PLCXD3: variants seen among roughly 807,000 people sequenced by gnomAD.
PLCXD3 encodes the protein phosphatidylinositol specific phospholipase C X domain containing 3, also known as PI-PLC X domain-containing protein 3.
A neutral mutation model predicts 25.5 loss-of-function variants in PLCXD3; 19 were observed. The observed-to-expected ratio is 0.75, with a 90% CI of 0.52 to 1.09. PLCXD3 has a LOEUF of 1.09. Ranked by LOEUF, PLCXD3 falls within the 50% of genes least tolerant of loss-of-function variation. PLCXD3 has a pLI of 0.00. For missense variants in PLCXD3, 411 were observed against 388.1 expected (o/e 1.06, Z -0.50); for synonymous variants, 174 against 137.6 (o/e 1.26, Z -1.85).
intron 1 of PLCXD3, among the ~76,000 whole-genome samples, chr5:41,491,425 A>C (rs1748667438): frequency 6.6e-6 from 1 of 152,202 alleles, no homozygotes; most frequent in Non-Finnish European, 1.5e-5. Flanking sequence ...TTTGAGGTGG[A>C]GAGTTCTGTA....
At chr5:41,364,215 G>C (rs1744872939) in intron 2 of PLCXD3, among the ~76,000 whole-genome samples, 1 of 152,134 alleles carries the variant, frequency 6.6e-6, no homozygotes, top group Non-Finnish European at 1.5e-5. Context: ...GCACAAGACA[G>C]CTTCCCGCAA....
At chr5:41,360,657 C>G (rs560734125) in intron 2 of PLCXD3, among the ~76,000 whole-genome samples, 1 of 152,112 alleles carries the variant, frequency 6.6e-6, no homozygotes, top group South Asian at 2.1e-4. Context: ...GTGGAGCTAC[C>G]AGGCTCCCAG....
chr5:41,431,804 A>T (rs534698113), intron 1 of PLCXD3, among the ~76,000 whole-genome samples: 2 of 152,320 alleles, frequency 1.3e-5, no homozygotes, highest in East Asian at 3.9e-4. Flanking sequence ...AGACACAGTT[A>T]ATTTCAGAAT....
chr5:41,501,684 G>T (rs763983358), intron 1 of PLCXD3, among the ~76,000 whole-genome samples: 1 of 151,750 alleles, frequency 6.6e-6, no homozygotes, highest in Non-Finnish European at 1.5e-5. Context: ...TAAATTTCAC[G>T]TTATGGATGT....
intron 1 of PLCXD3, among the ~76,000 whole-genome samples, chr5:41,413,083 T>G (rs971788226): frequency 6.6e-6 from 1 of 152,256 alleles, no homozygotes; most frequent in Non-Finnish European, 1.5e-5. Flanking sequence ...CCATTTATTG[T>G]ATTACACTTA....
At chr5:41,482,269 A>G (rs1748429795) in intron 1 of PLCXD3, among the ~76,000 whole-genome samples, 1 of 152,118 alleles carries the variant, frequency 6.6e-6, no homozygotes, top group Non-Finnish European at 1.5e-5. Context: ...CTCACTGTTT[A>G]GTGTGTAATT....
intron 1 of PLCXD3, among the ~76,000 whole-genome samples, chr5:41,383,076 G>A (rs1326974266): frequency 6.6e-6 from 1 of 152,112 alleles, no homozygotes; most frequent in Non-Finnish European, 1.5e-5. Context: ...AATAAGACAA[G>A]AAGGCAGTAC....
chr5:41,440,098 G>C (rs1446899527), intron 1 of PLCXD3, among the ~76,000 whole-genome samples: 1 of 151,740 alleles, frequency 6.6e-6, no homozygotes, highest in Non-Finnish European at 1.5e-5. Flanking sequence ...GTTGAGTATA[G>C]TGAATAAGTC....
chr5:41,328,537 T>C lies in PLCXD3; in HGVS notation c.813-14767A>G, dbSNP rs530951577. Among the ~76,000 whole-genome samples the C allele has an allele frequency of 2.6e-5, 4 of 152,320 alleles. No homozygotes were observed. The South Asian group carries it at 8.3e-4, about 32-fold the overall frequency. On this transcript the variant is annotated intron_variant, in intron 2 of 2. Transcript: ENST00000377801. ...TGTGGCACATGTCCGAGTATCCTTT[T>C]CCCACTGCAGCATCTAAAGTAAGTT...
chr5:41,369,517 G>A (rs1453978676), intron 2 of PLCXD3, among the ~76,000 whole-genome samples: 7 of 152,038 alleles, frequency 4.6e-5, no homozygotes, highest in Non-Finnish European at 8.8e-5. Flanking sequence ...GTCTTGCTCT[G>A]TCACCCAGGC....
chr5:41,375,632 C>T (rs144869038), intron 2 of PLCXD3, among the ~76,000 whole-genome samples: 2 of 152,218 alleles, frequency 1.3e-5, no homozygotes, highest in Non-Finnish European at 2.9e-5. Context: ...TCCATGCTAA[C>T]ATCCTACCAG....
intron 2 of PLCXD3, among the ~76,000 whole-genome samples, chr5:41,371,453 C>T (rs1162722059): frequency 6.6e-6 from 1 of 152,146 alleles, no homozygotes; most frequent in Non-Finnish European, 1.5e-5. Flanking sequence ...TACAGTTTGA[C>T]TTTGCTCTAG....
chr5:41,394,320 A>C (rs1745931603), intron 1 of PLCXD3, among the ~76,000 whole-genome samples: 1 of 152,150 alleles, frequency 6.6e-6, no homozygotes, highest in East Asian at 1.9e-4. Context: ...TGAATACATA[A>C]AAAGTAAAAA....
At chr5:41,459,005 C>T (rs1747815122) in intron 1 of PLCXD3, among the ~76,000 whole-genome samples, 1 of 151,894 alleles carries the variant, frequency 6.6e-6, no homozygotes, top group South Asian at 2.1e-4. Flanking sequence ...TTTATTTAGA[C>T]ATTCCTATAG....
In PLCXD3 at chr5:41,313,436, A is replaced by G. The variant is rs1743198074; in HGVS notation, c.*181T>C. Reference sequence around the variant, plus strand: ...TCATCAAATGGGAAATGAAATATTTATAGTAATGAAGAGTATGATTGTAAT... The same window carrying G: ...TCATCAAATGGGAAATGAAATATTTGTAGTAATGAAGAGTATGATTGTAAT... On this transcript the variant is annotated 3_prime_UTR_variant, in exon 3 of 3. Transcript: ENST00000377801. 5 of 530,672 alleles carry G rather than the reference A, an allele frequency of 9.4e-6. No individual in the cohort carries two copies. The highest frequency in any genetic ancestry group is 5.1e-4 in the Middle Eastern group (1 of 1,960). The allele number at this position is 530,672 out of a possible 1,614,324, so 32.9% of individuals were successfully genotyped here. A position where few individuals can be genotyped will look rare whatever the true frequency, so the allele number is the denominator to read the frequency against.
chr5:41,493,877 C>A (rs987538009), intron 1 of PLCXD3, among the ~76,000 whole-genome samples: 1 of 152,228 alleles, frequency 6.6e-6, no homozygotes, highest in South Asian at 2.1e-4. Context: ...CTCCCTGACC[C>A]CTTGCACTTC....
chr5:41,329,443 G>C (rs1743725900), intron 2 of PLCXD3, among the ~76,000 whole-genome samples: 1 of 152,116 alleles, frequency 6.6e-6, no homozygotes, highest in South Asian at 2.1e-4. Flanking sequence ...TAAATGAACA[G>C]GCTTTTTGTT....
At chr5:41,509,283 C>A (rs1738971061) in intron 1 of PLCXD3, among the ~76,000 whole-genome samples, 1 of 152,090 alleles carries the variant, frequency 6.6e-6, no homozygotes, top group Admixed American at 6.6e-5. Context: ...AGCTCAGGGC[C>A]AGAAGTGAAC....
intron 1 of PLCXD3, 102 bp downstream of exon 1, chr5:41,510,322 C>T (rs918469017): frequency 1.9e-6 from 2 of 1,040,000 alleles, no homozygotes. Context: ...GAGTTTCCCT[C>T]CCGCGGGCAT....
Sources: allele counts gnomAD v4.1 joint callset (sites outside exome capture counted in the v4.1 genomes callset), GRCh38; gene constraint gnomAD v4.1.1; transcripts MANE v1.5; gene names NCBI Gene and HGNC (gene_info 2026-07-23, HGNC 2026-07-21).